The following SPRED1 variants were observed in gnomAD, a reference collection of about 807,000 sequenced individuals.
SPRED1 encodes the protein sprouty-related, EVH1 domain-containing protein 1.
A neutral mutation model predicts 52.3 loss-of-function variants in SPRED1; 18 were observed. That is an observed-to-expected ratio of 0.34 (90% confidence interval 0.24 to 0.51). The LOEUF (loss-of-function observed/expected upper bound fraction) is 0.51. Ranked by LOEUF, SPRED1 falls within the 20% of genes least tolerant of loss-of-function variation. The pLI is 0.97. For synonymous variants in SPRED1, 155 were observed against 179.7 expected (o/e 0.86, Z 1.10); for missense variants, 485 against 551.0 (o/e 0.88, Z 1.20).
At chr15:38,326,158 A>G (rs1307864346) in intron 4 of SPRED1, 1 of 152,234 alleles carries the variant, frequency 6.6e-6, no homozygotes, top group Non-Finnish European at 1.5e-5. Context: ...ATATTGGAAA[A>G]TGGAAGAAAG....
chr15:38,312,834 C>T (rs909074450), intron 2 of SPRED1, among the ~76,000 whole-genome samples: 7 of 151,390 alleles, frequency 4.6e-5, no homozygotes, highest in Admixed American at 2.0e-4. Context: ...TTAGTTTTGT[C>T]CCTCTTTTTC....
rs550466885 is a variant in SPRED1 at position 38,274,608 on chromosome 15, T to C, written c.32+21391T>C. 3.9e-5 allele frequency among the ~76,000 whole-genome samples: 6 copies of C among 152,340 alleles called. No individual in the cohort carries two copies. The East Asian group carries it at 1.2e-3, about 29-fold the overall frequency. On this transcript the variant is annotated intron_variant, in intron 1 of 6. Coordinates refer to ENST00000299084, the MANE Select transcript of SPRED1 (RefSeq NM_152594.3). ...GAAACTAGGATCTATACAATATTATTATCAACTGGCAATATTCGTATCTAT... is the reference window on the plus strand; with the variant it reads ...GAAACTAGGATCTATACAATATTATCATCAACTGGCAATATTCGTATCTAT...
At chr15:38,328,249 T>C (rs948526909) in intron 4 of SPRED1, among the ~76,000 whole-genome samples, 5 of 152,236 alleles carry the variant, frequency 3.3e-5, no homozygotes, top group Admixed American at 1.3e-4. Context: ...GTAAAAGTAA[T>C]GATAATGTTA....
intron 2 of SPRED1, among the ~76,000 whole-genome samples, chr15:38,316,365 A>G (rs753339048): frequency 2.8e-4 from 43 of 152,180 alleles, no homozygotes; most frequent in Non-Finnish European, 4.7e-4. Context: ...AAAAATAAAA[A>G]TAGATTTTAA....
At chr15:38,270,341 T>C (rs1052382040) in intron 1 of SPRED1, among the ~76,000 whole-genome samples, 6 of 152,260 alleles carry the variant, frequency 3.9e-5, no homozygotes, top group Non-Finnish European at 5.9e-5. Context: ...CATAGCTTTT[T>C]CCAAAATGTG....
At chr15:38,280,062 A>G (rs1002605995) in intron 1 of SPRED1, among the ~76,000 whole-genome samples, 1 of 152,118 alleles carries the variant, frequency 6.6e-6, no homozygotes, top group Non-Finnish European at 1.5e-5. Flanking sequence ...TGTTGTTTCC[A>G]CTGAATGTTG....
chr15:38,343,867 T>C (rs1896078468), intron 5 of SPRED1, among the ~76,000 whole-genome samples: 1 of 152,162 alleles, frequency 6.6e-6, no homozygotes, highest in African/African-American at 2.4e-5. Flanking sequence ...CTACCTAATT[T>C]TAGTGATTAA....
At chr15:38,278,826 C>CTTTTTTTT (rs1199715229) in intron 1 of SPRED1, among the ~76,000 whole-genome samples, 1 of 39,926 alleles carries the variant, frequency 2.5e-5, no homozygotes, top group East Asian at 7.3e-4. Context: ...CCTAACTACA[C>CTTTTTTTT]TGTTTTTTTT....
chr15:38,253,241 T>G (rs1164505053), intron 1 of SPRED1, 24 bp downstream of exon 1: 1 of 1,563,686 alleles, frequency 6.4e-7, no homozygotes, highest in Admixed American at 1.9e-5. Flanking sequence ...TGATCTCGAT[T>G]GCTAATCCCC....
At chr15:38,313,889 A>G (rs956201156) in intron 2 of SPRED1, among the ~76,000 whole-genome samples, 2 of 151,712 alleles carry the variant, frequency 1.3e-5, no homozygotes, top group African/African-American at 4.8e-5. Context: ...TTGTTGCACT[A>G]CACAAATTTT....
intron 1 of SPRED1, 153 bp from the exon 2 acceptor site, chr15:38,299,220 G>T: frequency 1.1e-6 from 1 of 880,166 alleles, no homozygotes; most frequent in Non-Finnish European, 1.9e-6. Flanking sequence ...CCTCTTTCAA[G>T]TAGGCTACTT....
chr15:38,338,816 T>C (rs1224959034), intron 4 of SPRED1, among the ~76,000 whole-genome samples: 1 of 152,154 alleles, frequency 6.6e-6, no homozygotes, highest in Non-Finnish European at 1.5e-5. Context: ...ATTTATAAAT[T>C]TAAAATATCT....
intron 1 of SPRED1, among the ~76,000 whole-genome samples, chr15:38,255,191 T>C (rs973538958): frequency 6.6e-6 from 1 of 152,176 alleles, no homozygotes; most frequent in Non-Finnish European, 1.5e-5. Flanking sequence ...TTACAGTAAA[T>C]TGAGAAAATA....
At chr15:38,254,011 T>C (rs1422480516) in intron 1 of SPRED1, among the ~76,000 whole-genome samples, 5 of 152,216 alleles carry the variant, frequency 3.3e-5, no homozygotes, top group Admixed American at 6.5e-5. Flanking sequence ...TTATTTGGGC[T>C]TTCTCCTTGC....
At chr15:38,309,105 G>A (rs1256977029) in intron 2 of SPRED1, among the ~76,000 whole-genome samples, 1 of 152,062 alleles carries the variant, frequency 6.6e-6, no homozygotes, top group Non-Finnish European at 1.5e-5. Flanking sequence ...TTGATTATTT[G>A]TACCTTCTTT....
At chr15:38,317,801 CT>C (rs34731985) in intron 2 of SPRED1, among the ~76,000 whole-genome samples, 12 of 140,066 alleles carry the variant, frequency 8.6e-5, no homozygotes, top group South Asian at 2.2e-4. Context: ...TTTCTGCTTT[CT>C]TTTTTTTTTT....
At chr15:38,279,523 C>T (rs1480056250) in intron 1 of SPRED1, among the ~76,000 whole-genome samples, 1 of 152,204 alleles carries the variant, frequency 6.6e-6, no homozygotes, top group African/African-American at 2.4e-5. Context: ...CTATCCTATT[C>T]TAATCACAAC....
chr15:38,351,477 CAG>C lies in SPRED1; in HGVS notation c.1151_1152del (p.Glu384GlyfsTer5), dbSNP rs878855228. On this transcript the variant is annotated frameshift_variant, in exon 7 of 7. Coordinates refer to ENST00000299084, the MANE Select transcript of SPRED1 (RefSeq NM_152594.3). LOFTEE classifies it high-confidence loss of function. ...ATGTTGTATCATTGTATGTCAGACT[CAG>C]AGGGAGATTTTTCTGATCCCTGTTC... 1 of 1,614,114 alleles carries C rather than the reference CAG, an allele frequency of 6.2e-7. No homozygotes were observed. Among genetic ancestry groups the C allele is most frequent in the Non-Finnish European group, 8.5e-7 (1 of 1,180,014 alleles).
chr15:38,314,799 C>T (rs575156891), intron 2 of SPRED1, among the ~76,000 whole-genome samples: 17 of 151,904 alleles, frequency 1.1e-4, no homozygotes, highest in African/African-American at 3.4e-4. Flanking sequence ...AATAAAGTGC[C>T]ATAATTATGA....
Sources: gnomAD v4.1 joint callset for allele counts (sites outside exome capture counted in the v4.1 genomes callset) on GRCh38, gnomAD v4.1.1 for gene constraint, MANE v1.5 for transcripts, NCBI Gene and HGNC (gene_info 2026-07-23, HGNC 2026-07-21) for gene names.